ADD3: variants seen among roughly 807,000 people sequenced by gnomAD.
ADD3 encodes gamma-adducin.
ADD3 carries 25 observed loss-of-function variants against 80.2 expected under a neutral mutation model. The observed-to-expected ratio is 0.31, with a 90% CI of 0.23 to 0.44. The LOEUF (loss-of-function observed/expected upper bound fraction) is 0.44. Ranked by LOEUF, ADD3 falls within the 20% of genes least tolerant of loss-of-function variation. The pLI, the probability that ADD3 is intolerant of heterozygous loss-of-function variation, is 1.00. For synonymous variants in ADD3, 284 were observed against 289.6 expected, an observed-to-expected ratio of 0.98 and a Z score of 0.20; for missense variants, 829 against 847.5, an observed-to-expected ratio of 0.98 and a Z score of 0.27.
At chr10:110,012,490 A>G (rs1388900871) in intron 1 of ADD3, among the ~76,000 whole-genome samples, 1 of 152,236 alleles carries the variant, frequency 6.6e-6, no homozygotes, top group Admixed American at 6.5e-5. Context: ...CTTCTAGGAC[A>G]TTACTTAACT....
chr10:110,065,417 C>G (rs1358390695), intron 1 of ADD3, among the ~76,000 whole-genome samples: 1 of 151,360 alleles, frequency 6.6e-6, no homozygotes, highest in Non-Finnish European at 1.5e-5. Context: ...CTCCTCTGAT[C>G]TATTTCCTCT....
Position 110,112,831 on chromosome 10 carries a change from A to G in ADD3, c.250A>G (p.Asn84Asp). Residue 84 changes from asparagine (N) to aspartate (D), a missense_variant, in exon 3 of 15, where the codon AAC becomes GAC. By Grantham distance (23) the Asn-to-Asp change is conservative. Coordinates refer to ENST00000356080, the MANE Select transcript of ADD3 (RefSeq NM_016824.5). Reference sequence around the variant, plus strand: ...TCAAGAACAGATGAAGAAAGGCCACAACCCAACTGGATTACTAGCATTACA... The same window carrying G: ...TCAAGAACAGATGAAGAAAGGCCACGACCCAACTGGATTACTAGCATTACA... Reference protein sequence around the residue: ...LIQEQMKKGHNPTGLLALQQI... With the variant: ...LIQEQMKKGHDPTGLLALQQI... 6.2e-7 allele frequency: 1 copy of G among 1,614,136 alleles called. No individual in the cohort carries two copies. The highest frequency in any genetic ancestry group is 8.5e-7 in the Non-Finnish European group (1 of 1,180,004).
chr10:110,107,379 T>C (rs981230778), intron 2 of ADD3, among the ~76,000 whole-genome samples: 2 of 152,062 alleles, frequency 1.3e-5, no homozygotes, highest in African/African-American at 2.4e-5. Flanking sequence ...AATACTTCCA[T>C]TGGATGAAGT....
At chr10:110,069,708 T>C (rs1013357004) in intron 1 of ADD3, among the ~76,000 whole-genome samples, 1 of 152,204 alleles carries the variant, frequency 6.6e-6, no homozygotes, top group South Asian at 2.1e-4. Context: ...TTATGCCTCT[T>C]TTCATGGTGA....
intron 1 of ADD3, among the ~76,000 whole-genome samples, chr10:110,016,001 A>G (rs1208941590): frequency 6.6e-6 from 1 of 152,208 alleles, no homozygotes; most frequent in African/African-American, 2.4e-5. Context: ...AGATGATTTT[A>G]TATTGTTTGA....
intron 2 of ADD3, among the ~76,000 whole-genome samples, chr10:110,111,744 T>C (rs1168395967): frequency 6.6e-6 from 1 of 152,070 alleles, no homozygotes. Context: ...AGAGAAACCC[T>C]GTCTCTACTA....
rs117790614 is a variant in ADD3 at position 110,010,475 on chromosome 10, G to A, written c.-30+2176G>A. Among the ~76,000 whole-genome samples, 36 of 152,252 alleles carry A rather than the reference G, an allele frequency of 2.4e-4. 1 individual carries two copies. In the East Asian group the frequency reaches 6.6e-3, roughly 28 times the overall value. On this transcript the variant is annotated intron_variant, in intron 1 of 14. Coordinates refer to ENST00000356080, the MANE Select transcript of ADD3 (RefSeq NM_016824.5). ...CACATCAGAACTTTAGCTTAACCGA[G>A]TTGTTATATGTAAAGTGCTTAGAAT...
intron 1 of ADD3, among the ~76,000 whole-genome samples, chr10:110,063,297 A>G (rs1298646200): frequency 6.6e-6 from 1 of 152,200 alleles, no homozygotes; most frequent in Non-Finnish European, 1.5e-5. Context: ...TGCACTATGT[A>G]TTTAAATCCA....
intron 1 of ADD3, among the ~76,000 whole-genome samples, chr10:110,079,806 G>A (rs890574405): frequency 2.0e-5 from 3 of 152,120 alleles, no homozygotes; most frequent in Admixed American, 2.0e-4. Context: ...CTCCCAAAGT[G>A]CTGGGATTGC....
chr10:110,066,525 G>A (rs1466876916), intron 1 of ADD3, among the ~76,000 whole-genome samples: 3 of 152,138 alleles, frequency 2.0e-5, no homozygotes, highest in Non-Finnish European at 4.4e-5. Flanking sequence ...GAGCCACCGT[G>A]CCTGGCCCTT....
intron 1 of ADD3, chr10:110,079,194 G>A (rs1389014700): frequency 6.6e-6 from 1 of 152,154 alleles, no homozygotes; most frequent in African/African-American, 2.4e-5. Context: ...TAGATATAGA[G>A]TGTCAGATTA....
chr10:110,010,531 T>A (rs1852221207), intron 1 of ADD3, among the ~76,000 whole-genome samples: 1 of 152,216 alleles, frequency 6.6e-6, no homozygotes. Context: ...TTTGTGTTTA[T>A]CATTATCAGT....
At chr10:110,054,439 CTTTTT>C (rs36097209) in intron 1 of ADD3, among the ~76,000 whole-genome samples, 1 of 80,852 alleles carries the variant, frequency 1.2e-5, no homozygotes. Context: ...CCAGTTTTCT[CTTTTT>C]TTTTTTTTTT....
At chr10:110,112,394 A>G (rs962560603) in intron 2 of ADD3, 2 of 160,662 alleles carry the variant, frequency 1.2e-5, no homozygotes, top group Non-Finnish European at 2.7e-5. Flanking sequence ...TGCTGAGATT[A>G]TAGGCGTGAG....
chr10:110,057,099 A>G (rs1043937324), intron 1 of ADD3, among the ~76,000 whole-genome samples: 5 of 152,218 alleles, frequency 3.3e-5, no homozygotes, highest in East Asian at 1.9e-4. Flanking sequence ...GCCTTTATGG[A>G]TAAGAGATGG....
At chr10:110,124,336 G>T (rs1851874865) in intron 10 of ADD3, 62 bp downstream of exon 10, 1 of 1,543,384 alleles carries the variant, frequency 6.5e-7, no homozygotes, top group South Asian at 1.2e-5. Flanking sequence ...CTCAAGAATT[G>T]AATGTTCTAT....
rs748417464 is a variant in ADD3 at position 110,112,848 on chromosome 10, A to G, written c.267A>G (p.Leu89=). The G allele has an allele frequency of 1.9e-6, 3 of 1,614,160 alleles. No homozygotes were observed. The South Asian group carries it at 3.3e-5, about 18-fold the overall frequency. ...MKKGHNPTGL[L]ALQQIADYIM... is the part of the protein sequence containing the mutation. ...AAGGCCACAACCCAACTGGATTACT[A>G]GCATTACAGCAGATTGCAGATTACA... The change falls in exon 3 of 15, where the codon CTA becomes CTG. Residue 89 remains leucine, a synonymous_variant. Transcript: ENST00000356080.
At chr10:110,124,334 T>G in intron 10 of ADD3, 60 bp downstream of exon 10, 1 of 1,547,978 alleles carries the variant, frequency 6.5e-7, no homozygotes, top group Non-Finnish European at 8.8e-7. Context: ...TACTCAAGAA[T>G]TGAATGTTCT....
At chr10:110,054,363 A>G (rs1857878131) in intron 1 of ADD3, among the ~76,000 whole-genome samples, 1 of 151,964 alleles carries the variant, frequency 6.6e-6, no homozygotes, top group Non-Finnish European at 1.5e-5. Flanking sequence ...TTGAGTTTAG[A>G]ATTAGAAGCC....
Sources: gnomAD v4.1 joint callset for allele counts (sites outside exome capture counted in the v4.1 genomes callset) on GRCh38, gnomAD v4.1.1 for gene constraint, MANE v1.5 for transcripts, NCBI Gene and HGNC (gene_info 2026-07-23, HGNC 2026-07-21) for gene names.